NR2C2: variants seen among roughly 807,000 people sequenced by gnomAD.
NR2C2 encodes the protein Nuclear hormone receptor TR4.
Under a neutral mutation model 62.9 loss-of-function variants are expected in NR2C2, and 6 were observed. The ratio of observed to expected loss-of-function variants is 0.10; its 90% CI spans 0.05 to 0.19. The LOEUF is 0.19. Among genes scored for constraint, NR2C2 ranks in the 10% least tolerant of loss-of-function variants. The probability of loss-of-function intolerance (pLI) is 1.00; values close to 1 mark genes in which losing one functional copy is unlikely to be tolerated. For missense variants in NR2C2, 479 were observed against 762.7 expected (o/e 0.63, Z 4.38); for synonymous variants, 272 against 273.8 (o/e 0.99, Z 0.07).
chr3:15,047,941 G>A lies in NR2C2; in HGVS notation c.*4933G>A, dbSNP rs190478703. On this transcript the variant is annotated 3_prime_UTR_variant, in exon 14 of 14. Coordinates refer to ENST00000425241, the MANE Select transcript of NR2C2 (RefSeq NM_001291694.2). ...AAATTTTCCTCGTCCAGGTCTACTC[G>A]GACGAATTTTCCCCCTTAATCTGGC... is the stretch of plus-strand genomic sequence containing the variant. 8 of 152,262 alleles carry A rather than the reference G, an allele frequency of 5.3e-5. No individual in the cohort carries two copies. The highest frequency in any genetic ancestry group is 1.9e-4 in the East Asian group (1 of 5,182). 9.4% of individuals were successfully genotyped at this position (152,262 alleles called of 1,614,324 possible).
At chr3:15,029,790 A>ATAAT (rs1387608269) in intron 8 of NR2C2, among the ~76,000 whole-genome samples, 1 of 126,024 alleles carries the variant, frequency 7.9e-6, no homozygotes, top group East Asian at 2.3e-4. Context: ...AAGTAAATAA[A>ATAAT]TAATAGATAG....
chr3:15,030,582 C>A, intron 9 of NR2C2, 130 bp downstream of exon 9: 1 of 922,246 alleles, frequency 1.1e-6, no homozygotes, highest in Non-Finnish European at 1.6e-6. Flanking sequence ...AATCTTAGCA[C>A]TTCGGGAGGC....
At chr3:15,007,993 G>C (rs898918063) in intron 2 of NR2C2, among the ~76,000 whole-genome samples, 3 of 152,106 alleles carry the variant, frequency 2.0e-5, no homozygotes, top group African/African-American at 7.2e-5. Flanking sequence ...CCCTTTCTCG[G>C]GTGTTTACAG....
chr3:15,033,541 G>A (rs1204084027), intron 10 of NR2C2, among the ~76,000 whole-genome samples: 1 of 151,878 alleles, frequency 6.6e-6, no homozygotes, highest in Non-Finnish European at 1.5e-5. Context: ...GAATTAGACA[G>A]GTAGTGACTG....
chr3:15,021,146 T>C (rs945843258), intron 5 of NR2C2, among the ~76,000 whole-genome samples: 1 of 152,166 alleles, frequency 6.6e-6, no homozygotes, highest in Admixed American at 6.5e-5. Flanking sequence ...GAAAGCCTTA[T>C]TACAGATGCA....
chr3:15,011,834 T>C (rs1421278462), intron 2 of NR2C2, among the ~76,000 whole-genome samples: 1 of 152,220 alleles, frequency 6.6e-6, no homozygotes, highest in East Asian at 1.9e-4. Context: ...CAAGTCTTTG[T>C]TCAGTGTCAC....
At chr3:14,951,483 C>G (rs1361391211) in intron 1 of NR2C2, among the ~76,000 whole-genome samples, 1 of 151,736 alleles carries the variant, frequency 6.6e-6, no homozygotes, top group East Asian at 1.9e-4. Flanking sequence ...AATAGTTTAA[C>G]TGTTTATTTT....
chr3:15,034,821 G>C lies in NR2C2; in HGVS notation c.1372+12G>C. On this transcript the variant is annotated intron_variant, in intron 11 of 13. Coordinates refer to ENST00000425241, the MANE Select transcript of NR2C2 (RefSeq NM_001291694.2). ...CAGCATCCAGGAAGGTAGGGCACAG[G>C]GACTTGGGGCTGGGGTGTGTCTTGG... 1 of 1,606,488 alleles carries C rather than the reference G, an allele frequency of 6.2e-7. No homozygotes were observed. Among genetic ancestry groups the C allele is most frequent in the Non-Finnish European group, 8.5e-7 (1 of 1,175,918 alleles).
At chr3:14,972,693 G>T (rs1211283515) in intron 1 of NR2C2, among the ~76,000 whole-genome samples, 1 of 152,152 alleles carries the variant, frequency 6.6e-6, no homozygotes, top group Non-Finnish European at 1.5e-5. Context: ...AATGAAGAGA[G>T]GTTTAATTGG....
At chr3:14,953,349 A>T (rs996827886) in intron 1 of NR2C2, among the ~76,000 whole-genome samples, 1 of 152,180 alleles carries the variant, frequency 6.6e-6, no homozygotes, top group Non-Finnish European at 1.5e-5. Context: ...CAAGTGCCCA[A>T]GTGTAAAAGA....
intron 1 of NR2C2, among the ~76,000 whole-genome samples, chr3:14,992,782 G>A (rs1257649256): frequency 6.6e-6 from 1 of 152,244 alleles, no homozygotes; most frequent in Non-Finnish European, 1.5e-5. Flanking sequence ...CTAAGTATGA[G>A]TTTGGAGACC....
Position 15,024,094 on chromosome 3 carries a change from GTTTC to G in NR2C2, c.705-17_705-14del. 6.4e-7 allele frequency: 1 copy of G among 1,566,220 alleles called. No homozygotes were observed. Among genetic ancestry groups the G allele is most frequent in the Non-Finnish European group, 8.8e-7 (1 of 1,138,182 alleles). On this transcript the variant is annotated splice_polypyrimidine_tract_variant and intron_variant, in intron 6 of 13. Transcript: ENST00000425241. ...CATAAAATGTTGGAAGCTACTCTGA[GTTTC>G]TTTATGTCTTAAATAGACAAACAGG...
Position 15,034,678 on chromosome 3 carries a change from G to A in NR2C2, c.1241G>A (p.Cys414Tyr). ...IPAFQALGQD[C>Y]NTSLVRACWN... The stretch of plus-strand genomic sequence containing the variant: ...CCTTTCTATATTCCTAGGCAGGACT[G>A]CAACACCAGCCTTGTGCGGGCCTGC... The change falls in exon 11 of 14, where the codon TGC (cysteine) becomes TAC (tyrosine). Residue 414 changes from cysteine (C) to tyrosine (Y), a missense_variant. This residue lies in a region of NR2C2 where 162 missense variants were observed against 296.8 expected (regional missense o/e 0.55). Coordinates refer to ENST00000425241, the MANE Select transcript of NR2C2 (RefSeq NM_001291694.2). 6.2e-7 allele frequency: 1 copy of A among 1,614,002 alleles called. No individual in the cohort carries two copies. The highest frequency in any genetic ancestry group is 8.5e-7 in the Non-Finnish European group (1 of 1,179,976).
chr3:15,034,862 A>G (rs529755662), intron 11 of NR2C2, 53 bp downstream of exon 11: 5 of 1,531,760 alleles, frequency 3.3e-6, no homozygotes, highest in Admixed American at 3.9e-5. Flanking sequence ...CCTGGTGGCC[A>G]TGGAGCAGAG....
At chr3:15,038,428 C>T (rs1655675016) in intron 12 of NR2C2, 2 of 257,490 alleles carry the variant, frequency 7.8e-6, no homozygotes, top group Non-Finnish European at 1.5e-5. Flanking sequence ...CAAAAGTGTG[C>T]TGCCACCCGA....
chr3:15,029,128 A>G (rs568801388), intron 8 of NR2C2, among the ~76,000 whole-genome samples: 83 of 143,646 alleles, frequency 5.8e-4, no homozygotes, highest in African/African-American at 2.1e-3. Context: ...TTTTTTTAAT[A>G]GAGATGGAGT....
At chr3:14,959,082 AATTG>A (rs769993811) in intron 1 of NR2C2, 1 of 152,212 alleles carries the variant, frequency 6.6e-6, no homozygotes, top group Non-Finnish European at 1.5e-5. Flanking sequence ...GACATCTCCT[AATTG>A]ATAACCATTT....
At chr3:14,981,018 T>G (rs1199664190) in intron 1 of NR2C2, among the ~76,000 whole-genome samples, 2 of 152,228 alleles carry the variant, frequency 1.3e-5, no homozygotes, top group Admixed American at 6.5e-5. Context: ...TTTCTACTGT[T>G]ACACTGGCAT....
intron 1 of NR2C2, among the ~76,000 whole-genome samples, chr3:15,001,386 A>T (rs1212639780): frequency 2.2e-5 from 3 of 138,602 alleles, no homozygotes; most frequent in African/African-American, 8.4e-5. Context: ...TCAGGCTGGA[A>T]TGCAATGGCG....
Sources: allele counts gnomAD v4.1 joint callset (sites outside exome capture counted in the v4.1 genomes callset), GRCh38; gene constraint gnomAD v4.1.1; regional missense constraint gnomAD v4.1.1; transcripts MANE v1.5; gene names NCBI Gene and HGNC (gene_info 2026-07-23, HGNC 2026-07-21).